The following RANBP17 variants were observed in gnomAD, a reference collection of about 807,000 sequenced individuals.
RANBP17 encodes ran-binding protein 17.
In RANBP17, 158 loss-of-function variants were observed where a neutral mutation model predicts 141.2. The ratio of observed to expected loss-of-function variants is 1.12; its 90% CI spans 0.98 to 1.28. RANBP17 has a LOEUF of 1.28. Among genes scored for constraint, RANBP17 ranks in the 50% most tolerant of loss-of-function variants. The pLI, the probability that RANBP17 is intolerant of heterozygous loss-of-function variation, is 0.00. For missense variants in RANBP17, 1,438 were observed against 1,290.7 expected (o/e 1.11, Z -1.75); for synonymous variants, 430 against 450.0 (o/e 0.96, Z 0.56).
At chr5:171,046,051 C>T (rs1424193926) in intron 14 of RANBP17, among the ~76,000 whole-genome samples, 4 of 152,104 alleles carry the variant, frequency 2.6e-5, no homozygotes, top group South Asian at 2.1e-4. Flanking sequence ...AGTTTGTTTT[C>T]TGTCTCCTTC....
intron 24 of RANBP17, among the ~76,000 whole-genome samples, chr5:171,260,273 C>G (rs1456671648): frequency 6.9e-6 from 1 of 145,810 alleles, no homozygotes; most frequent in Non-Finnish European, 1.5e-5. Flanking sequence ...TGCGCTCCAG[C>G]CTGGGTGACA....
chr5:171,251,570 A>G lies in RANBP17; in HGVS notation c.2776+8750A>G, dbSNP rs1765560823. Reference sequence around the variant, plus strand: ...AAAAAAAAAAAAACTTCTTGAAACAAATGAGAATGGAAACACAACATACCA... The same window carrying G: ...AAAAAAAAAAAAACTTCTTGAAACAGATGAGAATGGAAACACAACATACCA... On this transcript the variant is annotated intron_variant, in intron 24 of 27. Transcript: ENST00000523189. 5.9e-5 allele frequency among the ~76,000 whole-genome samples: 9 copies of G among 152,214 alleles called. 1 individual carries two copies. In the South Asian group the frequency reaches 1.9e-3, roughly 32 times the overall value.
chr5:171,121,609 G>A (rs141472623), intron 14 of RANBP17, among the ~76,000 whole-genome samples: 11 of 152,254 alleles, frequency 7.2e-5, no homozygotes, highest in African/African-American at 2.4e-4. Context: ...GCTGAAGGGC[G>A]GGTTCACACC....
At position 170,949,956 on chromosome 5, in the gene RANBP17, A is replaced by G. The variant is rs149359101; in HGVS notation, c.1469-3641A>G. 5.6e-3 allele frequency among the ~76,000 whole-genome samples: 857 copies of G among 152,266 alleles called. 8 individuals are homozygous for G. The highest frequency in any genetic ancestry group is 0.02 in the African/African-American group (815 of 41,570). On this transcript the variant is annotated intron_variant, in intron 12 of 27. Coordinates refer to ENST00000523189, the MANE Select transcript of RANBP17 (RefSeq NM_022897.5). ...CCCATAAGTCGTATGTTTACAGCCA[A>G]TTGGTTTTTGACAAAGGTGTCAAGA...
At chr5:171,141,371 C>T (rs549371377) in intron 14 of RANBP17, among the ~76,000 whole-genome samples, 7 of 150,356 alleles carry the variant, frequency 4.7e-5, no homozygotes, top group Admixed American at 2.7e-4. Context: ...CCGAGGTGGG[C>T]GGATCACAAG....
rs779343582 is a variant in RANBP17 at position 171,137,588 on chromosome 5, GTGTGTGTGTGTGTGTGTC to G, written c.1711-32524_1711-32507del. On this transcript the variant is annotated intron_variant, in intron 14 of 27. Coordinates refer to ENST00000523189, the MANE Select transcript of RANBP17 (RefSeq NM_022897.5). The stretch of plus-strand genomic sequence containing the variant: ...TGACTTGAGATGTGTGTGTGTGTGT[GTGTGTGTGTGTGTGTGTC>G]TGTGTGTGTGTGTGTGTGTCTGTGT... Among the ~76,000 whole-genome samples the G allele has an allele frequency of 2.3e-3, 336 of 143,788 alleles. 1 individual carries two copies. The highest frequency in any genetic ancestry group is 4.1e-3 in the East Asian group (19 of 4,640). The allele number at this position is 143,788 out of a possible 152,430, so 94.3% of individuals were successfully genotyped here. A position where few individuals can be genotyped will look rare whatever the true frequency, so the allele number is the denominator to read the frequency against.
chr5:170,927,139 C>T (rs887145248), intron 12 of RANBP17, among the ~76,000 whole-genome samples: 4 of 151,916 alleles, frequency 2.6e-5, no homozygotes, highest in African/African-American at 9.7e-5. Context: ...GTGAAATTGC[C>T]GTTGAGTGGA....
chr5:170,872,094 A>G (rs936742022), intron 1 of RANBP17, among the ~76,000 whole-genome samples: 2 of 152,196 alleles, frequency 1.3e-5, no homozygotes, highest in South Asian at 2.1e-4. Context: ...CATTGAATCT[A>G]TAAATTACTT....
intron 14 of RANBP17, among the ~76,000 whole-genome samples, chr5:171,098,105 A>T (rs936815658): frequency 6.6e-6 from 1 of 152,140 alleles, no homozygotes. Flanking sequence ...ATACGTATGC[A>T]TGTGTCCTTA....
intron 22 of RANBP17, among the ~76,000 whole-genome samples, chr5:171,223,089 G>C (rs114088989): frequency 3.9e-5 from 6 of 152,094 alleles, no homozygotes; most frequent in Admixed American, 3.9e-4. Flanking sequence ...AAAAAAATGG[G>C]TGTTTTAAGT....
At chr5:171,040,408 TGGCATAAATA>T (rs1782180623) in intron 14 of RANBP17, among the ~76,000 whole-genome samples, 2 of 152,228 alleles carry the variant, frequency 1.3e-5, no homozygotes, top group Admixed American at 1.3e-4. Context: ...TTTTTACTGC[TGGCATAAATA>T]GGTTTTCCAT....
chr5:170,975,847 A>C (rs200993948), intron 14 of RANBP17, among the ~76,000 whole-genome samples: 1 of 151,342 alleles, frequency 6.6e-6, no homozygotes, highest in Non-Finnish European at 1.5e-5. Context: ...AAAAAACAAA[A>C]AAACAAACAA....
chr5:171,007,444 C>T (rs547407359), intron 14 of RANBP17, among the ~76,000 whole-genome samples: 21 of 151,874 alleles, frequency 1.4e-4, no homozygotes, highest in Non-Finnish European at 2.8e-4. Flanking sequence ...TGGCAGGGAG[C>T]GACTTGAGGA....
chr5:170,863,993 TA>T (rs1178663441), intron 1 of RANBP17, among the ~76,000 whole-genome samples: 12 of 152,368 alleles, frequency 7.9e-5, no homozygotes, highest in Admixed American at 5.9e-4. Context: ...ATCATATTGT[TA>T]ATCAGTTAAC....
intron 22 of RANBP17, among the ~76,000 whole-genome samples, chr5:171,236,471 A>G (rs751146173): frequency 6.6e-6 from 1 of 152,178 alleles, no homozygotes; most frequent in Non-Finnish European, 1.5e-5. Flanking sequence ...CTAATTCTCT[A>G]TTGAAGAAAC....
intron 14 of RANBP17, among the ~76,000 whole-genome samples, chr5:171,019,509 T>C (rs1310194924): frequency 1.3e-5 from 2 of 152,094 alleles, no homozygotes; most frequent in African/African-American, 4.8e-5. Context: ...GTCCAGGAAT[T>C]TATCCATTTC....
chr5:171,007,955 T>G (rs1476660199), intron 14 of RANBP17, among the ~76,000 whole-genome samples: 1 of 152,120 alleles, frequency 6.6e-6, no homozygotes, highest in Non-Finnish European at 1.5e-5. Context: ...TGGGCTGCAA[T>G]GTGGGTGAGC....
rs1313192153 is a variant in RANBP17 at position 171,159,942 on chromosome 5, GAAAAA to G, written c.1711-10186_1711-10182del. On this transcript the variant is annotated intron_variant, in intron 14 of 27. Coordinates refer to ENST00000523189, the MANE Select transcript of RANBP17 (RefSeq NM_022897.5). ...CAAAAAAAAAAAAAAAAAAAAAAAA[GAAAAA>G]AGAAGAAAATTTGGACAATTGGATG... Among the ~76,000 whole-genome samples, 8 of 124,844 alleles carry G rather than the reference GAAAAA, an allele frequency of 6.4e-5. No homozygotes were observed. The South Asian group carries it at 2.1e-3, about 33-fold the overall frequency. The allele number at this position is 124,844 out of a possible 152,430, so 81.9% of individuals were successfully genotyped here.
At position 171,121,732 on chromosome 5, in the gene RANBP17, TA is replaced by T. The variant is rs1756051238; in HGVS notation, c.1711-48397del. ...CTCCTGGGACCAGGCTCCATGCAAC[TA>T]GGTTTGTGGTGTTCAGCCACCGGTG... is the stretch of plus-strand genomic sequence containing the variant. On this transcript the variant is annotated intron_variant, in intron 14 of 27. Coordinates refer to ENST00000523189, the MANE Select transcript of RANBP17 (RefSeq NM_022897.5). Among the ~76,000 whole-genome samples, 3 of 152,154 alleles carry T rather than the reference TA, an allele frequency of 2.0e-5. No homozygotes were observed. The East Asian group carries it at 5.8e-4, about 29-fold the overall frequency.
Sources: gnomAD v4.1 joint callset for allele counts (sites outside exome capture counted in the v4.1 genomes callset) on GRCh38, gnomAD v4.1.1 for gene constraint, MANE v1.5 for transcripts, NCBI Gene and HGNC (gene_info 2026-07-23, HGNC 2026-07-21) for gene names.